The following HEATR5B variants were observed in gnomAD, a reference collection of about 807,000 sequenced individuals.
HEATR5B encodes HEAT repeat-containing protein 5B.
Under a neutral mutation model 224.1 loss-of-function variants are expected in HEATR5B, and 156 were observed. The observed-to-expected ratio is 0.70, with a 90% CI of 0.61 to 0.80. The LOEUF is 0.80. Among genes scored for constraint, HEATR5B ranks in the 30% least tolerant of loss-of-function variants. HEATR5B has a pLI of 0.00. For missense variants in HEATR5B, 2,323 were observed against 2,535.5 expected, an observed-to-expected ratio of 0.92 and a Z score of 1.80; for synonymous variants, 1,027 against 893.0, an observed-to-expected ratio of 1.15 and a Z score of -2.68.
chr2:37,020,547 G>A, intron 25 of HEATR5B, 108 bp downstream of exon 25: 1 of 712,826 alleles, frequency 1.4e-6, no homozygotes, highest in Non-Finnish European at 2.2e-6. Flanking sequence ...GCATTCTACA[G>A]AAATAAACAG....
chr2:37,016,871 G>A (rs1217429039), intron 26 of HEATR5B, among the ~76,000 whole-genome samples: 2 of 152,024 alleles, frequency 1.3e-5, no homozygotes, highest in Admixed American at 1.3e-4. Context: ...TACCAATTAA[G>A]GAGATACTGA....
chr2:37,045,657 T>C (rs1213096616), intron 18 of HEATR5B, among the ~76,000 whole-genome samples: 2 of 152,192 alleles, frequency 1.3e-5, no homozygotes, highest in Admixed American at 6.5e-5. Context: ...ATGATCCTTC[T>C]GTTCATAGCT....
chr2:37,004,718 ACT>A (rs1667302559), intron 30 of HEATR5B, among the ~76,000 whole-genome samples: 1 of 151,340 alleles, frequency 6.6e-6, no homozygotes, highest in South Asian at 2.1e-4. Flanking sequence ...GTCTTTGATA[ACT>A]CTGTTCTCTT....
rs757905013 is a variant in HEATR5B, at chr2:37,007,277, A to G, written c.4550T>C (p.Ile1517Thr). The part of the protein sequence containing the change: ...DGGAFYTPET[I>T]DTARLHYRNS... The stretch of plus-strand genomic sequence containing the variant: ...CCGATAGTGAAGTCTAGCTGTATCA[A>G]TAGTTTCAGGGGTATAAAATGCTCC... The change falls in exon 29 of 36, where the codon ATT becomes ACT. Residue 1517 changes from isoleucine (I) to threonine (T), a missense_variant. Transcript: ENST00000233099. 59 of 1,613,760 alleles carry G rather than the reference A, an allele frequency of 3.7e-5. No individual in the cohort carries two copies. The highest frequency in any genetic ancestry group is 8.9e-5 in the East Asian group (4 of 44,896).
chr2:37,007,256 T>C lies in HEATR5B; in HGVS notation c.4571A>G (p.Tyr1524Cys), dbSNP rs1667480423. 2 of 1,613,746 alleles carry C rather than the reference T, an allele frequency of 1.2e-6. No individual in the cohort carries two copies. The highest frequency in any genetic ancestry group is 1.7e-6 in the Non-Finnish European group (2 of 1,179,970). Residue 1524 changes from tyrosine to cysteine, a missense_variant, in exon 29 of 36, where the codon TAT (tyrosine) becomes TGT (cysteine). By Grantham distance (194) the Tyr-to-Cys change is radical. Transcript: ENST00000233099. ...PETIDTARLH[Y>C]RNSWAPILHA... ...GAGAATTGGGGCCCAGGAATTCCGA[T>C]AGTGAAGTCTAGCTGTATCAATAGT...
intron 24 of HEATR5B, among the ~76,000 whole-genome samples, chr2:37,022,592 A>T (rs1465780089): frequency 6.6e-6 from 1 of 152,244 alleles, no homozygotes; most frequent in Admixed American, 6.5e-5. Context: ...TTTATTTACA[A>T]AAAAGGCTGT....
chr2:37,067,175 A>G (rs1174581969), intron 8 of HEATR5B, among the ~76,000 whole-genome samples: 1 of 152,076 alleles, frequency 6.6e-6, no homozygotes, highest in Non-Finnish European at 1.5e-5. Flanking sequence ...TGCCTGGCCA[A>G]ATAACTCTTG....
intron 21 of HEATR5B, among the ~76,000 whole-genome samples, chr2:37,034,612 CAAAAA>C (rs772823865): frequency 1.3e-4 from 4 of 30,572 alleles, no homozygotes; most frequent in Admixed American, 4.7e-4. Flanking sequence ...GACTCTGTCT[CAAAAA>C]AAAAAAAAAA....
rs1340074552 is a variant in HEATR5B, at chr2:37,028,019, C to T, written c.3757G>A (p.Asp1253Asn). Residue 1253 changes from aspartate (D) to asparagine (N), a missense_variant, in exon 24 of 36, where the codon GAT becomes AAT. Asp to Asn is a conservative substitution (Grantham distance 23). Around this residue, in one of 12 missense-constraint regions of HEATR5B, gnomAD observed 339 missense variants for 378.4 expected, o/e 0.90. Transcript: ENST00000233099. ...AAATTGATGATTCGACACAGGCAAT[C>T]GGCAGCAAATACTCGAGTGGCCCAG... The part of the protein sequence containing the change: ...PRWATRVFAA[D>N]CLCRIINLCE... 5.6e-6 allele frequency: 9 copies of T among 1,613,996 alleles called. No homozygotes were observed. The highest frequency in any genetic ancestry group is 2.2e-5 in the South Asian group (2 of 91,090).
intron 29 of HEATR5B, among the ~76,000 whole-genome samples, chr2:37,006,168 T>C (rs1427619465): frequency 6.6e-6 from 1 of 152,214 alleles, no homozygotes; most frequent in Non-Finnish European, 1.5e-5. Context: ...ACAATGGGTA[T>C]CATAGTAAAC....
intron 26 of HEATR5B, among the ~76,000 whole-genome samples, chr2:37,018,539 C>A (rs570674128): frequency 1.3e-5 from 2 of 152,320 alleles, no homozygotes; most frequent in South Asian, 2.1e-4. Flanking sequence ...ATTAAGGCAG[C>A]AGGCTTCAGA....
intron 18 of HEATR5B, among the ~76,000 whole-genome samples, chr2:37,044,356 G>C (rs1311170062): frequency 6.6e-6 from 1 of 152,178 alleles, no homozygotes; most frequent in Non-Finnish European, 1.5e-5. Context: ...TCATACGAAT[G>C]AAATCAGATA....
chr2:36,982,989 C>G (rs1214227732), intron 35 of HEATR5B, among the ~76,000 whole-genome samples: 1 of 151,698 alleles, frequency 6.6e-6, no homozygotes, highest in Admixed American at 6.6e-5. Context: ...GGACCTTTGC[C>G]TGTTTTATTT....
Position 37,038,918 on chromosome 2 carries a change from G to GGGC in HEATR5B, c.3047-895_3047-894insGCC, listed in dbSNP as rs1553313681. Among the ~76,000 whole-genome samples the GGGC allele has an allele frequency of 7.5e-4, 109 of 144,722 alleles. 3 individuals carry two copies. Among genetic ancestry groups the GGGC allele is most frequent in the African/African-American group, 2.8e-3 (107 of 38,848 alleles). 94.9% of individuals were successfully genotyped at this position (144,722 alleles called of 152,430 possible). ...CTGTCTCCCTGGGGTGGGGGGGGTG[G>GGGC]GGAATCACATATTTTTCAATTTCTA... On this transcript the variant is annotated intron_variant, in intron 20 of 35. Transcript: ENST00000233099.
At chr2:37,083,861 G>C (rs1213002153) in intron 1 of HEATR5B, among the ~76,000 whole-genome samples, 2 of 152,198 alleles carry the variant, frequency 1.3e-5, no homozygotes. Context: ...GCTGCACCTG[G>C]CCAGAGGGAC....
chr2:37,003,950 A>T (rs1482478262), intron 30 of HEATR5B, among the ~76,000 whole-genome samples: 1 of 152,166 alleles, frequency 6.6e-6, no homozygotes, highest in Non-Finnish European at 1.5e-5. Flanking sequence ...CTCCTATTGG[A>T]AGGAAATAAT....
chr2:37,072,429 C>T (rs764262162), intron 5 of HEATR5B, 148 bp from the exon 6 acceptor site: 27 of 566,176 alleles, frequency 4.8e-5, no homozygotes, highest in Non-Finnish European at 3.7e-5. Context: ...CACTGGACAT[C>T]AGGCAATGAA....
At chr2:37,064,274 G>T (rs1432489360) in intron 10 of HEATR5B, among the ~76,000 whole-genome samples, 3 of 146,782 alleles carry the variant, frequency 2.0e-5, no homozygotes, top group African/African-American at 7.5e-5. Flanking sequence ...TATATCTAAG[G>T]TTGGGTTTTT....
chr2:37,075,412 A>G, intron 5 of HEATR5B, 73 bp downstream of exon 5: 1 of 1,081,170 alleles, frequency 9.2e-7, no homozygotes, highest in Non-Finnish European at 1.2e-6. Flanking sequence ...AAATTTTAAA[A>G]GAAAAAAAAA....
Sources: allele counts gnomAD v4.1 joint callset (sites outside exome capture counted in the v4.1 genomes callset), GRCh38; gene constraint gnomAD v4.1.1; regional missense constraint gnomAD v4.1.1; transcripts MANE v1.5; gene names NCBI Gene and HGNC (gene_info 2026-07-23, HGNC 2026-07-21).